Variants in MECOM observed in about 807,000 individuals in gnomAD.
MECOM encodes the protein MDS1 and EVI1 complex locus.
In MECOM, 13 loss-of-function variants were observed where a neutral mutation model predicts 116.3. The observed-to-expected ratio is 0.11, with a 90% CI of 0.07 to 0.18. MECOM has a LOEUF of 0.18. MECOM is among the 10% of genes least tolerant of loss of function. The pLI is 1.00. For synonymous variants in MECOM, 528 were observed against 535.2 expected, an observed-to-expected ratio of 0.99 and a Z score of 0.19; for missense variants, 1,299 against 1,509.0, an observed-to-expected ratio of 0.86 and a Z score of 2.31.
intron 8 of MECOM, among the ~76,000 whole-genome samples, chr3:169,114,117 A>G (rs1174445825): frequency 2.0e-5 from 3 of 152,174 alleles, no homozygotes; most frequent in African/African-American, 7.2e-5. Flanking sequence ...AAGGACTGAG[A>G]CACATCATTG....
intron 1 of MECOM, among the ~76,000 whole-genome samples, chr3:169,632,344 C>T (rs2109975243): frequency 6.6e-6 from 1 of 152,092 alleles, no homozygotes; most frequent in East Asian, 1.9e-4. Flanking sequence ...CAAAATATTC[C>T]ATTCCCTCAC....
chr3:169,116,547 C>T lies in MECOM; in HGVS notation c.1325G>A (p.Gly442Asp), dbSNP rs766847183. Residue 442 changes from glycine to aspartate, a missense_variant, in exon 8 of 17, where the codon GGC becomes GAC. Around this residue, in one of 6 missense-constraint regions of MECOM, gnomAD observed 238 missense variants for 273.1 expected, o/e 0.87. Coordinates refer to ENST00000651503, the MANE Select transcript of MECOM (RefSeq NM_004991.4). Reference protein sequence around the residue: ...HFAAGGFFGQGISLPGTPAMD... With the variant: ...HFAAGGFFGQDISLPGTPAMD... ...AGCTGGGGTTCCAGGAAGTGAAATG[C>T]CTTGGCCAAAAAATCCACCTGCCGC... 5.0e-6 allele frequency: 8 copies of T among 1,614,138 alleles called. No homozygotes were observed. The highest frequency in any genetic ancestry group is 3.3e-5 in the Admixed American group (2 of 60,008).
At chr3:169,389,501 T>C (rs1006479785) in intron 1 of MECOM, 6 of 913,612 alleles carry the variant, frequency 6.6e-6, no homozygotes, top group African/African-American at 1.8e-5. Context: ...GTTTTAGCTA[T>C]GTGCCTCTAC....
chr3:169,168,632 T>C (rs973048223), intron 2 of MECOM, among the ~76,000 whole-genome samples: 1 of 152,028 alleles, frequency 6.6e-6, no homozygotes, highest in African/African-American at 2.4e-5. Flanking sequence ...AAAGAAAAAC[T>C]GTCTTGGAGA....
At chr3:169,641,721 AT>A (rs1175896893) in intron 1 of MECOM, among the ~76,000 whole-genome samples, 2 of 152,204 alleles carry the variant, frequency 1.3e-5, no homozygotes, top group Non-Finnish European at 2.9e-5. Context: ...CGCTTTACAG[AT>A]GAGAAAACTG....
intron 2 of MECOM, among the ~76,000 whole-genome samples, chr3:169,352,028 G>A (rs1186068705): frequency 1.3e-5 from 2 of 151,886 alleles, no homozygotes; most frequent in Non-Finnish European, 2.9e-5. Flanking sequence ...GGAAGGATAA[G>A]CATTTATTCT....
intron 2 of MECOM, among the ~76,000 whole-genome samples, chr3:169,264,250 G>T (rs1329966907): frequency 1.3e-5 from 2 of 152,228 alleles, no homozygotes; most frequent in Non-Finnish European, 2.9e-5. Flanking sequence ...GTTTATTGTT[G>T]ATGTTGTTGT....
At chr3:169,352,599 C>G (rs1726520024) in intron 2 of MECOM, among the ~76,000 whole-genome samples, 1 of 151,788 alleles carries the variant, frequency 6.6e-6, no homozygotes, top group Non-Finnish European at 1.5e-5. Context: ...TTTTATTCCA[C>G]CACTAAAATT....
chr3:169,354,921 G>T (rs530789460), intron 2 of MECOM, among the ~76,000 whole-genome samples: 3 of 151,764 alleles, frequency 2.0e-5, no homozygotes, highest in Non-Finnish European at 4.4e-5. Context: ...GCATCCCGGC[G>T]CAATGAATTA....
intron 1 of MECOM, among the ~76,000 whole-genome samples, chr3:169,385,194 A>ACT (rs1344358273): frequency 6.6e-6 from 1 of 151,704 alleles, no homozygotes; most frequent in African/African-American, 2.4e-5. Context: ...TTACCCACAA[A>ACT]CTCTCCCAAT....
At position 169,105,932 on chromosome 3, in the gene MECOM, G is replaced by A. The variant is rs187955710; in HGVS notation, c.2604+1994C>T. On this transcript the variant is annotated intron_variant, in intron 10 of 16. Transcript: ENST00000651503. The stretch of plus-strand genomic sequence containing the variant: ...TTCAGCAGGCAAGATATTATCAACT[G>A]GGTCCTAAGCACTTAACATTTATTA... Among the ~76,000 whole-genome samples, 51 of 152,192 alleles carry A rather than the reference G, an allele frequency of 3.4e-4. 1 individual carries two copies. In the East Asian group the frequency reaches 6.6e-3, roughly 20 times the overall value.
chr3:169,514,656 C>T (rs575101009), intron 1 of MECOM, among the ~76,000 whole-genome samples: 1 of 152,286 alleles, frequency 6.6e-6, no homozygotes, highest in African/African-American at 2.4e-5. Context: ...AAAAATGTCT[C>T]TTGCATGCGA....
chr3:169,255,900 A>G (rs1756807647), intron 2 of MECOM, among the ~76,000 whole-genome samples: 1 of 151,958 alleles, frequency 6.6e-6, no homozygotes, highest in African/African-American at 2.4e-5. Flanking sequence ...TACACCCAAG[A>G]TAGATTTTTA....
At chr3:169,096,241 A>G (rs1156765219) in intron 12 of MECOM, among the ~76,000 whole-genome samples, 1 of 150,942 alleles carries the variant, frequency 6.6e-6, no homozygotes, top group Non-Finnish European at 1.5e-5. Flanking sequence ...ATGTTACTTG[A>G]AAAAAAAAGT....
chr3:169,268,656 A>T (rs1372228200), intron 2 of MECOM, among the ~76,000 whole-genome samples: 1 of 152,206 alleles, frequency 6.6e-6, no homozygotes, highest in Non-Finnish European at 1.5e-5. Flanking sequence ...CTAATAGTGC[A>T]ACTTACCGCA....
intron 1 of MECOM, among the ~76,000 whole-genome samples, chr3:169,612,273 G>C (rs1434190396): frequency 6.6e-6 from 1 of 152,090 alleles, no homozygotes; most frequent in African/African-American, 2.4e-5. Context: ...AGAAATTGTT[G>C]GTTCAAAAGA....
chr3:169,653,295 T>G (rs891878485), intron 1 of MECOM, among the ~76,000 whole-genome samples: 2 of 152,234 alleles, frequency 1.3e-5, no homozygotes, highest in Non-Finnish European at 2.9e-5. Context: ...ATCTGCCATA[T>G]GCAAAGCATA....
intron 2 of MECOM, among the ~76,000 whole-genome samples, chr3:169,237,150 T>C (rs1319717009): frequency 1.3e-5 from 2 of 152,220 alleles, no homozygotes; most frequent in Non-Finnish European, 2.9e-5. Context: ...TAGGATAATA[T>C]GTAAATAGTA....
chr3:169,576,034 T>A (rs1465400087), intron 1 of MECOM, among the ~76,000 whole-genome samples: 1 of 152,204 alleles, frequency 6.6e-6, no homozygotes, highest in Non-Finnish European at 1.5e-5. Context: ...ACTTTCCACA[T>A]TAGATTTCTA....
Sources: allele counts gnomAD v4.1 joint callset (sites outside exome capture counted in the v4.1 genomes callset), GRCh38; gene constraint gnomAD v4.1.1; regional missense constraint gnomAD v4.1.1; transcripts MANE v1.5; gene names NCBI Gene and HGNC (gene_info 2026-07-23, HGNC 2026-07-21).